The following RANBP3L variants were observed in gnomAD, a reference collection of about 807,000 sequenced individuals.
RANBP3L encodes RAN binding protein 3 like.
In RANBP3L, 56 loss-of-function variants were observed where a neutral mutation model predicts 67.2. That is an observed-to-expected ratio of 0.83 (90% CI 0.67 to 1.04). The LOEUF is 1.04. Ranked by LOEUF, RANBP3L falls within the 50% of genes least tolerant of loss-of-function variation. The pLI, the probability that RANBP3L is intolerant of heterozygous loss-of-function variation, is 0.00. For synonymous variants in RANBP3L, 164 were observed against 181.4 expected (o/e 0.90, Z 0.77); for missense variants, 496 against 535.5 (o/e 0.93, Z 0.73).
At chr5:36,292,713 A>T (rs1453641847) in intron 1 of RANBP3L, among the ~76,000 whole-genome samples, 3 of 151,664 alleles carry the variant, frequency 2.0e-5, no homozygotes, top group Non-Finnish European at 2.9e-5. Context: ...ATAGTTGTAG[A>T]TATGCAGTGT....
At chr5:36,281,203 C>T (rs1437114421) in intron 1 of RANBP3L, among the ~76,000 whole-genome samples, 1 of 152,130 alleles carries the variant, frequency 6.6e-6, no homozygotes, top group African/African-American at 2.4e-5. Flanking sequence ...GGTTTTCTCA[C>T]CTGTGAAATG....
Position 36,247,097 on chromosome 5 carries a change from A to G in RANBP3L, c.*2557T>C, listed in dbSNP as rs1039910278. On this transcript the variant is annotated 3_prime_UTR_variant, in exon 14 of 14. Coordinates refer to ENST00000296604, the MANE Select transcript of RANBP3L (RefSeq NM_145000.5). ...GTATACTTCAAAATAATTTACCTAAATAACTTATGAAAATGGATGTTATTG... is the reference window on the plus strand; with the variant it reads ...GTATACTTCAAAATAATTTACCTAAGTAACTTATGAAAATGGATGTTATTG... Among the ~76,000 whole-genome samples the G allele has an allele frequency of 3.3e-5, 5 of 152,228 alleles. No individual in the cohort carries two copies. Among genetic ancestry groups the G allele is most frequent in the Non-Finnish European group, 5.9e-5 (4 of 68,042 alleles).
chr5:36,253,732 A>G lies in RANBP3L; in HGVS notation c.1082T>C (p.Met361Thr), dbSNP rs765410973. 1 of 1,613,002 alleles carries G rather than the reference A, an allele frequency of 6.2e-7. No individual in the cohort carries two copies. ...TTTGTGGTTTGCTCTTTGAATCTTC[A>G]TTTGGGCCCAGAGTTTGCTGTTGAG... The part of the protein sequence containing the change: ...LILNSKLWAQ[M>T]KIQRANHKNV... Residue 361 changes from methionine (M) to threonine (T), a missense_variant, in exon 12 of 14, where the codon ATG (methionine) becomes ACG (threonine). By Grantham distance (81) the Met-to-Thr change is moderately conservative (BLOSUM62 -1). Transcript: ENST00000296604.
At chr5:36,275,337 C>A (rs975195073) in intron 1 of RANBP3L, among the ~76,000 whole-genome samples, 1 of 152,176 alleles carries the variant, frequency 6.6e-6, no homozygotes, top group African/African-American at 2.4e-5. Flanking sequence ...TAAATGCATA[C>A]CATTAGTAAG....
intron 6 of RANBP3L, among the ~76,000 whole-genome samples, chr5:36,263,938 T>C (rs1202329101): frequency 6.6e-6 from 1 of 152,252 alleles, no homozygotes; most frequent in Non-Finnish European, 1.5e-5. Flanking sequence ...ATGTTTTACT[T>C]AAAAATTACT....
At chr5:36,294,582 A>G (rs1752051271) in intron 1 of RANBP3L, among the ~76,000 whole-genome samples, 8 of 151,868 alleles carry the variant, frequency 5.3e-5, no homozygotes. Flanking sequence ...AATGAGTCCC[A>G]GAGATTCTTG....
rs372115406 is a variant in RANBP3L at position 36,251,425 on chromosome 5, C to T, written c.1242G>A (p.Lys414=). 1.2e-5 allele frequency: 19 copies of T among 1,613,026 alleles called. No homozygotes were observed. Among genetic ancestry groups the T allele is most frequent in the Non-Finnish European group, 1.6e-5 (19 of 1,179,400 alleles). ...TTTCAGCTTGATTGACATCTCTCTG[C>T]TTATTGAAGCTTTGAAGTGCAACAA... The part of the protein sequence containing the change: ...HRLVALQSFN[K]QRDVNQAESL... The change falls in exon 13 of 14, where the codon AAG becomes AAA. Residue 414 remains lysine (K), a synonymous_variant. Coordinates refer to ENST00000296604, the MANE Select transcript of RANBP3L (RefSeq NM_145000.5).
chr5:36,295,095 A>G (rs1425066947), intron 1 of RANBP3L, among the ~76,000 whole-genome samples: 2 of 151,920 alleles, frequency 1.3e-5, no homozygotes, highest in African/African-American at 4.8e-5. Flanking sequence ...ATAGGTGCAC[A>G]AGTATCTGTT....
At chr5:36,261,764 A>T (rs1862543) in intron 7 of RANBP3L, among the ~76,000 whole-genome samples, 175 bp downstream of exon 7, 130,928 of 152,218 alleles carry the variant, frequency 0.86, 57,902 homozygotes, top group Non-Finnish European at 0.97. Flanking sequence ...AATATTTAAG[A>T]ATCGAAATAT....
chr5:36,268,910 C>T (rs1257348619), intron 4 of RANBP3L, among the ~76,000 whole-genome samples: 1 of 152,086 alleles, frequency 6.6e-6, no homozygotes, highest in Non-Finnish European at 1.5e-5. Flanking sequence ...TGGGGTTTCA[C>T]TATGTTGGCC....
rs1748339102 is a variant in RANBP3L, at chr5:36,247,005, G to T, written c.*2649C>A. ...GAAAGTTAAGGTTGTCTTAACACAA[G>T]ATATATAATGACATAAATTAGTTAA... is the stretch of plus-strand genomic sequence containing the variant. On this transcript the variant is annotated 3_prime_UTR_variant, in exon 14 of 14. Transcript: ENST00000296604. 6.6e-6 allele frequency among the ~76,000 whole-genome samples: 1 copy of T among 152,124 alleles called. No individual in the cohort carries two copies. Among genetic ancestry groups the T allele is most frequent in the South Asian group, 2.1e-4 (1 of 4,818 alleles).
intron 8 of RANBP3L, among the ~76,000 whole-genome samples, chr5:36,260,378 A>AAC (rs1211670180): frequency 3.3e-5 from 5 of 151,540 alleles, no homozygotes; most frequent in Non-Finnish European, 7.4e-5. Context: ...AAAAAAAAAA[A>AAC]AACCAAACTG....
chr5:36,273,019 C>T (rs1252392585), intron 1 of RANBP3L, among the ~76,000 whole-genome samples: 1 of 152,172 alleles, frequency 6.6e-6, no homozygotes, highest in Admixed American at 6.5e-5. Context: ...AAAATCTTCA[C>T]TAATATATTG....
At chr5:36,260,070 T>C (rs1388897070) in intron 8 of RANBP3L, among the ~76,000 whole-genome samples, 1 of 151,904 alleles carries the variant, frequency 6.6e-6, no homozygotes, top group African/African-American at 2.4e-5. Flanking sequence ...TGTGGTTAAC[T>C]GATAAGAACA....
rs997189190 is a variant in RANBP3L, at chr5:36,255,392, G to T, written c.1024+78C>A. On this transcript the variant is annotated intron_variant, in intron 11 of 13. Transcript: ENST00000296604. ...ATTTTATAGCACATCTCCAGAAAAT[G>T]ATGTGTACCTATATTATTATAAGTA... 11 of 1,358,532 alleles carry T rather than the reference G, an allele frequency of 8.1e-6. 1 individual carries two copies. The Admixed American group carries it at 1.4e-4, about 17-fold the overall frequency. The allele number at this position is 1,358,532 out of a possible 1,614,324, so 84.2% of individuals were successfully genotyped here. A position where few individuals can be genotyped will look rare whatever the true frequency, so the allele number is the denominator to read the frequency against.
intron 1 of RANBP3L, among the ~76,000 whole-genome samples, chr5:36,275,762 C>A (rs574855290): frequency 6.6e-5 from 10 of 151,892 alleles, no homozygotes; most frequent in Non-Finnish European, 8.8e-5. Flanking sequence ...TAAAGAAATA[C>A]CGTGGTGTGT....
chr5:36,251,975 G>A (rs1287211399), intron 12 of RANBP3L, among the ~76,000 whole-genome samples: 1 of 151,972 alleles, frequency 6.6e-6, no homozygotes, highest in African/African-American at 2.4e-5. Flanking sequence ...TTGCTTTTCA[G>A]TATTTTCCTA....
At chr5:36,282,164 C>T (rs1404789594) in intron 1 of RANBP3L, among the ~76,000 whole-genome samples, 1 of 152,174 alleles carries the variant, frequency 6.6e-6, no homozygotes, top group Non-Finnish European at 1.5e-5. Context: ...CAGAATAACT[C>T]GCAGTGTGAA....
At chr5:36,297,145 A>G (rs1372136068) in intron 1 of RANBP3L, among the ~76,000 whole-genome samples, 4 of 151,838 alleles carry the variant, frequency 2.6e-5, no homozygotes, top group Non-Finnish European at 4.4e-5. Context: ...ATTAATACAT[A>G]TTTTATATAT....
Sources: gnomAD v4.1 joint callset for allele counts (sites outside exome capture counted in the v4.1 genomes callset) on GRCh38, gnomAD v4.1.1 for gene constraint, MANE v1.5 for transcripts, NCBI Gene and HGNC (gene_info 2026-07-23, HGNC 2026-07-21) for gene names.